The following PGAP6 variants were observed in gnomAD, a reference collection of about 807,000 sequenced individuals.
PGAP6 encodes post-GPI attachment to proteins factor 6.
In PGAP6, 62 loss-of-function variants were observed where a neutral mutation model predicts 68.4. The ratio of observed to expected loss-of-function variants is 0.91; its 90% CI spans 0.74 to 1.12. The LOEUF (loss-of-function observed/expected upper bound fraction) is 1.12. PGAP6 is among the 50% of genes most tolerant of loss of function. PGAP6 has a pLI of 0.00. For synonymous variants in PGAP6, 575 were observed against 474.0 expected, an observed-to-expected ratio of 1.21 and a Z score of -2.77; for missense variants, 1,188 against 1,068.5, an observed-to-expected ratio of 1.11 and a Z score of -1.56.
intron 11 of PGAP6, among the ~76,000 whole-genome samples, chr16:373,555 G>A (rs1573733): frequency 0.55 from 83,238 of 152,106 alleles, 23,146 homozygotes; most frequent in South Asian, 0.67. Context: ...AAGACATGAG[G>A]TTTCTTTTCT....
At position 381,815 on chromosome 16, in the gene PGAP6, G is replaced by C; in HGVS notation, c.7C>G (p.Arg3Gly). 1.8e-6 allele frequency: 2 copies of C among 1,108,918 alleles called. No homozygotes were observed. The highest frequency in any genetic ancestry group is 4.3e-5 in the South Asian group (1 of 23,298). 68.7% of individuals were successfully genotyped at this position (1,108,918 alleles called of 1,614,324 possible). Reference protein sequence around the residue: MGRAGTGTGGEAV... With the variant: MGGAGTGTGGEAV... ...TCGCCCCCGGTCCCGGTGCCAGCCC[G>C]GCCCATGGCTCCGCGCTCGGCCCGG... Residue 3 changes from arginine to glycine, a missense_variant, in exon 1 of 13, where the codon CGG becomes GGG. Transcript: ENST00000431232.
Position 377,819 on chromosome 16 carries a change from G to T in PGAP6, c.151C>A (p.Gln51Lys). 1.3e-6 allele frequency: 2 copies of T among 1,569,996 alleles called. No individual in the cohort carries two copies. The highest frequency in any genetic ancestry group is 1.7e-6 in the Non-Finnish European group (2 of 1,158,224). Residue 51 changes from glutamine to lysine, a missense_variant, in exon 2 of 13, where the codon CAG becomes AAG. Transcript: ENST00000431232. ...EVGLVSEHFS[Q>K]APQRLSFYSW... ...TAGAAGGACAGCCTCTGCGGGGCCT[G>T]CGAGAAGTGCTCGGACACCAGCCCC...
intron 1 of PGAP6, 108 bp downstream of exon 1, chr16:381,593 C>A (rs1413156906): frequency 5.3e-6 from 5 of 935,928 alleles, no homozygotes; most frequent in Non-Finnish European, 6.7e-6. Flanking sequence ...GACCCCCAAC[C>A]CCGCGCCGGC....
In PGAP6 at chr16:372,056, G is replaced by C. The variant is rs2054337808; in HGVS notation, c.2247C>G (p.Cys749Trp). Residue 749 changes from cysteine (C) to tryptophan (W), a missense_variant, in exon 13 of 13, where the codon TGC (cysteine) becomes TGG (tryptophan). Coordinates refer to ENST00000431232, the MANE Select transcript of PGAP6 (RefSeq NM_021259.3). ...PPDQPAEPWA[C>W]SQKFPCHYQI... ...GATAGTGGCAGGGGAATTTCTGCGA[G>C]CAGGCCCAGGGCTCGGCGGGCTGGT... 6.2e-7 allele frequency: 1 copy of C among 1,612,650 alleles called. No individual in the cohort carries two copies. Among genetic ancestry groups the C allele is most frequent in the East Asian group, 2.2e-5 (1 of 44,870 alleles).
chr16:374,426 G>C, intron 9 of PGAP6, 27 bp from the exon 10 acceptor site: 2 of 1,536,346 alleles, frequency 1.3e-6, no homozygotes, highest in Non-Finnish European at 1.7e-6. Flanking sequence ...CCGACGCGGA[G>C]GCTGGGGGCA....
At chr16:377,616 G>A (rs958863035) in intron 2 of PGAP6, 31 bp from the exon 3 acceptor site, 1 of 1,568,976 alleles carries the variant, frequency 6.4e-7, no homozygotes, top group East Asian at 2.4e-5. Context: ...CCGGGTTCAG[G>A]CACAGGGCTT....
chr16:374,729 C>A, intron 9 of PGAP6, 27 bp downstream of exon 9: 1 of 1,611,082 alleles, frequency 6.2e-7, no homozygotes, highest in Non-Finnish European at 8.5e-7. Flanking sequence ...AGCAGCGTCT[C>A]GGGGCGGGCG....
chr16:375,668 A>G (rs1403344705), intron 6 of PGAP6, among the ~76,000 whole-genome samples: 2 of 151,888 alleles, frequency 1.3e-5, no homozygotes, highest in African/African-American at 2.4e-5. Flanking sequence ...AGTAGCTGGG[A>G]CTACAGGCGC....
intron 2 of PGAP6, 35 bp downstream of exon 2, chr16:377,636 C>T (rs775813882): frequency 2.4e-5 from 37 of 1,548,928 alleles, no homozygotes; most frequent in South Asian, 7.0e-5. Flanking sequence ...TGGCCAGGCG[C>T]GGGAGGGTGG....
chr16:371,642 G>A lies in PGAP6; in HGVS notation c.*345C>T, dbSNP rs1475133318. 6.7e-6 allele frequency: 2 copies of A among 298,818 alleles called. No homozygotes were observed. The highest frequency in any genetic ancestry group is 1.3e-5 in the Non-Finnish European group (2 of 155,772). The allele number at this position is 298,818 out of a possible 1,614,324, so 18.5% of individuals were successfully genotyped here. ...GCCTCGCCAGGGAACAGGACCATAG[G>A]GAGTCCTTCTCCCCATCTCTAGCCA... On this transcript the variant is annotated 3_prime_UTR_variant, in exon 13 of 13. Transcript: ENST00000431232.
At chr16:382,282 G>T (rs1415908513), upstream of PGAP6, 8 of 392,324 alleles carry the variant, frequency 2.0e-5, no homozygotes, top group Non-Finnish European at 4.5e-6. Flanking sequence ...CCGCCGGTTC[G>T]CTGAGTCCCA....
chr16:384,812 C>T (rs1253265992), upstream of PGAP6, among the ~76,000 whole-genome samples: 7 of 146,212 alleles, frequency 4.8e-5, no homozygotes, highest in African/African-American at 1.5e-4. Flanking sequence ...GCCAAGATTG[C>T]GCCACTGCAC....
In PGAP6 at chr16:374,418, G is replaced by C. The variant is rs372309865; in HGVS notation, c.1577-19C>G. On this transcript the variant is annotated intron_variant, in intron 9 of 12. Transcript: ENST00000431232. ...CGCCAGCCTGCGGTCACAAAACCCCGACGCGGAGGCTGGGGGCACTGCTGA... is the reference window on the plus strand; with the variant it reads ...CGCCAGCCTGCGGTCACAAAACCCCCACGCGGAGGCTGGGGGCACTGCTGA... 3 of 1,549,892 alleles carry C rather than the reference G, an allele frequency of 1.9e-6. No homozygotes were observed. The highest frequency in any genetic ancestry group is 2.4e-5 in the South Asian group (2 of 84,478).
At chr16:374,499 G>A (rs2054363335) in intron 9 of PGAP6, 100 bp from the exon 10 acceptor site, 2 of 1,337,122 alleles carry the variant, frequency 1.5e-6, no homozygotes, top group African/African-American at 2.9e-5. Context: ...TCCTCACCCA[G>A]GAGCAAGCAG....
At chr16:373,873 G>T (rs909571080) in intron 11 of PGAP6, 132 bp downstream of exon 11, 2 of 1,166,680 alleles carry the variant, frequency 1.7e-6, no homozygotes, top group South Asian at 1.6e-5. Context: ...CACCATGCTC[G>T]GCCGAGATGT....
At position 376,158 on chromosome 16, in the gene PGAP6, G is replaced by C. The variant is rs774362785; in HGVS notation, c.1202C>G (p.Thr401Ser). ...TACCTTGTTGGCCCGCAGGGAGATG[G>C]TGAGGGAACCCCCGCTGTCCATGCC... ...NTGMDSGGSLTISLRANKTEM... is the reference protein window; with the variant it reads ...NTGMDSGGSLSISLRANKTEM... Residue 401 changes from threonine (T) to serine (S), a missense_variant, in exon 6 of 13, where the codon ACC becomes AGC. Thr to Ser is a moderately conservative substitution (Grantham distance 58). Coordinates refer to ENST00000431232, the MANE Select transcript of PGAP6 (RefSeq NM_021259.3). 1 of 1,606,648 alleles carries C rather than the reference G, an allele frequency of 6.2e-7. No homozygotes were observed. Among genetic ancestry groups the C allele is most frequent in the Non-Finnish European group, 8.5e-7 (1 of 1,175,580 alleles).
At position 371,571 on chromosome 16, in the gene PGAP6, C is replaced by CAGCAGGATGTG; in HGVS notation, c.*415_*416insCACATCCTGCT. The CAGCAGGATGTG allele has an allele frequency of 5.2e-6, 1 of 193,324 alleles. No individual in the cohort carries two copies. Among genetic ancestry groups the CAGCAGGATGTG allele is most frequent in the South Asian group, 9.0e-5 (1 of 11,104 alleles). 12.0% of individuals were successfully genotyped at this position (193,324 alleles called of 1,614,324 possible). On this transcript the variant is annotated 3_prime_UTR_variant, in exon 13 of 13. Transcript: ENST00000431232. ...GGTCTCGGAGTCCACAGCTCCCGGC[C>CAGCAGGATGTG]CCAGTGGTGGGCTCAGGGCTCCTGG...
chr16:373,883 T>A, intron 11 of PGAP6, 122 bp downstream of exon 11: 3 of 1,255,312 alleles, frequency 2.4e-6, no homozygotes, highest in Non-Finnish European at 3.2e-6. Flanking sequence ...GGCCGAGATG[T>A]GAGGTTTCCA....
At chr16:377,907 G>T in intron 1 of PGAP6, 59 bp from the exon 2 acceptor site, 5 of 1,444,310 alleles carry the variant, frequency 3.5e-6, no homozygotes, top group Non-Finnish European at 4.7e-6. Context: ...CGCAGATGGG[G>T]AGGACGAGTC....
Sources: gnomAD v4.1 joint callset for allele counts (sites outside exome capture counted in the v4.1 genomes callset) on GRCh38, gnomAD v4.1.1 for gene constraint, MANE v1.5 for transcripts, NCBI Gene and HGNC (gene_info 2026-07-23, HGNC 2026-07-21) for gene names.